Variants in SEC31A observed in about 807,000 individuals in gnomAD.
SEC31A encodes protein transport protein Sec31A.
SEC31A carries 70 observed loss-of-function variants against 151.0 expected under a neutral mutation model. The ratio of observed to expected loss-of-function variants is 0.46; its 90% CI spans 0.38 to 0.57. SEC31A has a LOEUF of 0.57. Ranked by LOEUF, SEC31A falls within the 20% of genes least tolerant of loss-of-function variation. SEC31A has a pLI of 0.00. For synonymous variants in SEC31A, 475 were observed against 505.9 expected, an observed-to-expected ratio of 0.94 and a Z score of 0.82; for missense variants, 1,330 against 1,471.2, an observed-to-expected ratio of 0.90 and a Z score of 1.57.
chr4:82,857,487 T>C (rs893404421), intron 15 of SEC31A, among the ~76,000 whole-genome samples: 7 of 152,180 alleles, frequency 4.6e-5, no homozygotes, highest in Admixed American at 3.9e-4. Flanking sequence ...AACTTTTTTT[T>C]TTGAGACAGC....
chr4:82,870,995 C>A (rs1736525515), intron 7 of SEC31A, among the ~76,000 whole-genome samples: 1 of 152,060 alleles, frequency 6.6e-6, no homozygotes. Flanking sequence ...CCAACCTGGG[C>A]AATATAACGA....
chr4:82,854,355 C>T (rs1457044696), intron 17 of SEC31A, among the ~76,000 whole-genome samples: 2 of 100,220 alleles, frequency 2.0e-5, no homozygotes, highest in African/African-American at 6.9e-5. Context: ...AAGAGCAAAA[C>T]TCCGTCTCCA....
chr4:82,879,975 AT>A (rs1191320919), intron 3 of SEC31A, among the ~76,000 whole-genome samples: 4 of 152,348 alleles, frequency 2.6e-5, no homozygotes, highest in South Asian at 2.1e-4. Context: ...TTCTAGTCAC[AT>A]CTACCTTTTT....
intron 4 of SEC31A, chr4:82,877,427 GCA>G (rs1421669050): frequency 1.1e-4 from 16 of 150,966 alleles, no homozygotes; most frequent in African/African-American, 3.9e-4. Flanking sequence ...CACCCAGGTT[GCA>G]GTGCAGTGGT....
intron 19 of SEC31A, 57 bp from the exon 20 acceptor site, chr4:82,849,034 C>A (rs1560613439): frequency 2.1e-6 from 3 of 1,456,104 alleles, no homozygotes; most frequent in East Asian, 2.3e-5. Flanking sequence ...TATATGACAG[C>A]ATGTTAATTT....
intron 10 of SEC31A, among the ~76,000 whole-genome samples, chr4:82,865,557 TATATATATATATATATATATATATATAC>T (rs2149526308): frequency 1.5e-4 from 1 of 6,556 alleles, no homozygotes; most frequent in East Asian, 4.3e-3. Flanking sequence ...TATATATATA[TATATATATATATATATATATATATATAC>T]AATGCAATAT....
intron 22 of SEC31A, among the ~76,000 whole-genome samples, chr4:82,836,721 G>T (rs1232566767): frequency 3.3e-5 from 5 of 152,110 alleles, no homozygotes; most frequent in African/African-American, 1.2e-4. Flanking sequence ...GGGAACAGAA[G>T]CTATTATTTA....
chr4:82,897,702 G>C (rs1266170290), intron 3 of SEC31A: 1 of 152,046 alleles, frequency 6.6e-6, no homozygotes, highest in Non-Finnish European at 1.5e-5. Context: ...TTGCGCCACT[G>C]CACTCCAGCC....
intron 22 of SEC31A, among the ~76,000 whole-genome samples, chr4:82,840,834 G>GTA (rs1163771352): frequency 3.9e-5 from 6 of 152,086 alleles, no homozygotes; most frequent in African/African-American, 9.7e-5. Context: ...TTAAAACATG[G>GTA]TATACCTGTA....
intron 1 of SEC31A, among the ~76,000 whole-genome samples, chr4:82,883,969 A>G (rs1328847261): frequency 6.9e-6 from 1 of 144,614 alleles, no homozygotes; most frequent in Non-Finnish European, 1.5e-5. Flanking sequence ...GTATTATTTG[A>G]CCATTTTTCT....
intron 3 of SEC31A, among the ~76,000 whole-genome samples, chr4:82,898,908 C>A (rs147166139): frequency 0.016 from 2,479 of 151,788 alleles, 30 homozygotes; most frequent in Non-Finnish European, 0.025. Flanking sequence ...TTTGTCCACA[C>A]AAAAACTTGT....
At chr4:82,875,632 T>A in intron 5 of SEC31A, 95 bp downstream of exon 5, 1 of 685,476 alleles carries the variant, frequency 1.5e-6, no homozygotes, top group Non-Finnish European at 2.6e-6. Context: ...AACATATATG[T>A]TTTGTGTGAG....
chr4:82,839,557 A>T (rs1290684745), intron 22 of SEC31A, among the ~76,000 whole-genome samples: 2 of 152,254 alleles, frequency 1.3e-5, no homozygotes, highest in African/African-American at 4.8e-5. Context: ...AAGTGGCAGG[A>T]TTACAAGTGT....
At position 82,891,077 on chromosome 4, in the gene SEC31A, G is replaced by A. The variant is rs531675288; in HGVS notation, c.-5+11C>T. On this transcript the variant is annotated intron_variant, in intron 1 of 26. Coordinates refer to ENST00000395310, the MANE Select transcript of SEC31A (RefSeq NM_001077207.4). Reference sequence around the variant, plus strand: ...CCGGCGAAGAGGACAAAAAGCAACGGGCGGACGCACCTGGCGAGGACCTTC... The same window carrying A: ...CCGGCGAAGAGGACAAAAAGCAACGAGCGGACGCACCTGGCGAGGACCTTC... 64 of 1,535,894 alleles carry A rather than the reference G, an allele frequency of 4.2e-5. No individual in the cohort carries two copies. The Middle Eastern group carries it at 5.0e-4, about 12-fold the overall frequency.
At chr4:82,830,278 T>G (rs1725623740) in intron 22 of SEC31A, among the ~76,000 whole-genome samples, 1 of 152,122 alleles carries the variant, frequency 6.6e-6, no homozygotes, top group South Asian at 2.1e-4. Context: ...CTGGCCAACA[T>G]GGGGAAACCC....
At chr4:82,830,773 T>C (rs959548809) in intron 22 of SEC31A, among the ~76,000 whole-genome samples, 3 of 152,234 alleles carry the variant, frequency 2.0e-5, no homozygotes, top group African/African-American at 7.2e-5. Flanking sequence ...ATTCAATCAG[T>C]TGTAAAATCT....
rs1735635795 is a variant in SEC31A, at chr4:82,867,370, T to C, written c.883-54A>G. The stretch of plus-strand genomic sequence containing the variant: ...CTCAGAAAATGGTATGGCCACTTTG[T>C]AACCAAAACACCTGAATTAATGTGG... On this transcript the variant is annotated intron_variant, in intron 8 of 26. Transcript: ENST00000395310. The C allele has an allele frequency of 9.5e-6, 14 of 1,471,340 alleles. No individual in the cohort carries two copies. In the Middle Eastern group the frequency reaches 6.9e-4, roughly 73 times the overall value. 91.1% of individuals were successfully genotyped at this position (1,471,340 alleles called of 1,614,324 possible).
chr4:82,842,984 T>C (rs1578191274), intron 21 of SEC31A, among the ~76,000 whole-genome samples: 1 of 152,322 alleles, frequency 6.6e-6, no homozygotes, highest in South Asian at 2.1e-4. Context: ...AATTCTGAGT[T>C]TGAGCACAGT....
chr4:82,827,362 C>T lies in SEC31A; in HGVS notation c.3291+7G>A, dbSNP rs770184654. On this transcript the variant is annotated splice_region_variant and intron_variant, in intron 24 of 26. Transcript: ENST00000395310. ...TTCCCATTCCACTTCTACAAATTTACTGTTACCTGGAAGGTATTTCCAATA... is the reference window on the plus strand; with the variant it reads ...TTCCCATTCCACTTCTACAAATTTATTGTTACCTGGAAGGTATTTCCAATA... 1 of 1,611,276 alleles carries T rather than the reference C, an allele frequency of 6.2e-7. No homozygotes were observed. The highest frequency in any genetic ancestry group is 1.1e-5 in the South Asian group (1 of 90,860).
Sources: allele counts gnomAD v4.1 joint callset (sites outside exome capture counted in the v4.1 genomes callset), GRCh38; gene constraint gnomAD v4.1.1; transcripts MANE v1.5; gene names NCBI Gene and HGNC (gene_info 2026-07-23, HGNC 2026-07-21).